NCAM2: variants seen among roughly 807,000 people sequenced by gnomAD.
NCAM2 encodes the protein N-CAM-2.
In NCAM2, 30 loss-of-function variants were observed where a neutral mutation model predicts 98.1. That is an observed-to-expected ratio of 0.31 (90% confidence interval 0.23 to 0.41). The LOEUF is 0.41. Among genes scored for constraint, NCAM2 ranks in the 10% least tolerant of loss-of-function variants. The pLI, the probability that NCAM2 is intolerant of heterozygous loss-of-function variation, is 1.00. For missense variants in NCAM2, 867 were observed against 1,005.8 expected, an observed-to-expected ratio of 0.86 and a Z score of 1.87; for synonymous variants, 368 against 342.4, an observed-to-expected ratio of 1.07 and a Z score of -0.83.
intron 1 of NCAM2, among the ~76,000 whole-genome samples, chr21:21,157,555 T>G (rs893732167): frequency 6.6e-6 from 1 of 152,174 alleles, no homozygotes; most frequent in Non-Finnish European, 1.5e-5. Context: ...TCTTTGTACA[T>G]TGTCAAATAA....
intron 1 of NCAM2, among the ~76,000 whole-genome samples, chr21:21,247,861 G>A (rs1216960534): frequency 6.6e-6 from 1 of 152,130 alleles, no homozygotes; most frequent in Non-Finnish European, 1.5e-5. Flanking sequence ...AGTAGAATTT[G>A]TTTTCCTGCC....
At chr21:21,139,907 C>T (rs1164269537) in intron 1 of NCAM2, among the ~76,000 whole-genome samples, 2 of 152,082 alleles carry the variant, frequency 1.3e-5, no homozygotes. Context: ...TCACGTCTTA[C>T]ACATATTTGC....
At chr21:21,324,164 G>A (rs566084486) in intron 5 of NCAM2, among the ~76,000 whole-genome samples, 89 of 152,176 alleles carry the variant, frequency 5.8e-4, no homozygotes, top group African/African-American at 2.1e-3. Context: ...TGTACGTTGT[G>A]CACATGTACC....
At chr21:21,431,004 C>T (rs909875638) in intron 11 of NCAM2, among the ~76,000 whole-genome samples, 3 of 139,872 alleles carry the variant, frequency 2.1e-5, no homozygotes, top group African/African-American at 5.4e-5. Context: ...GCTGAGATCA[C>T]GCCACTGCAC....
intron 1 of NCAM2, among the ~76,000 whole-genome samples, chr21:21,161,937 G>A (rs1027231258): frequency 1.3e-5 from 2 of 151,978 alleles, no homozygotes; most frequent in Non-Finnish European, 2.9e-5. Flanking sequence ...TTCTTTCAAC[G>A]ATATAATGGA....
chr21:21,318,274 G>C (rs2074276627), intron 5 of NCAM2, among the ~76,000 whole-genome samples: 1 of 152,098 alleles, frequency 6.6e-6, no homozygotes, highest in African/African-American at 2.4e-5. Flanking sequence ...ATTCAAGCTT[G>C]AATTTATTTA....
intron 1 of NCAM2, among the ~76,000 whole-genome samples, chr21:21,230,001 G>A (rs1266860229): frequency 6.6e-6 from 1 of 151,084 alleles, no homozygotes; most frequent in Non-Finnish European, 1.5e-5. Flanking sequence ...ATATTTATTT[G>A]AGAGAAACAC....
chr21:21,025,325 C>A (rs1414881182), intron 1 of NCAM2, among the ~76,000 whole-genome samples: 1 of 152,060 alleles, frequency 6.6e-6, no homozygotes, highest in Admixed American at 6.5e-5. Flanking sequence ...GACCTCGTGG[C>A]CTGCCCACCT....
intron 11 of NCAM2, among the ~76,000 whole-genome samples, chr21:21,419,168 C>T (rs1333195672): frequency 6.6e-6 from 1 of 152,002 alleles, no homozygotes; most frequent in Admixed American, 6.6e-5. Context: ...AAGAATGAAT[C>T]ACTTTTAAAA....
intron 15 of NCAM2, among the ~76,000 whole-genome samples, chr21:21,480,366 CA>C (rs59203448): frequency 0.29 from 20,559 of 69,760 alleles, 1,069 homozygotes; most frequent in Middle Eastern, 0.37. Context: ...GACTCCATCT[CA>C]AAAAAAAAAA....
At chr21:21,507,584 G>A (rs1988062146) in intron 15 of NCAM2, among the ~76,000 whole-genome samples, 1 of 151,992 alleles carries the variant, frequency 6.6e-6, no homozygotes, top group Admixed American at 6.6e-5. Flanking sequence ...ACGAGGTCAG[G>A]AGATCGAGAC....
chr21:21,457,870 T>C (rs1982389912), intron 12 of NCAM2, among the ~76,000 whole-genome samples: 1 of 152,172 alleles, frequency 6.6e-6, no homozygotes, highest in Non-Finnish European at 1.5e-5. Flanking sequence ...CTTTTTACCG[T>C]ATCCATTTTG....
chr21:21,106,224 C>T (rs2066342431), intron 1 of NCAM2, among the ~76,000 whole-genome samples: 1 of 149,468 alleles, frequency 6.7e-6, no homozygotes, highest in Non-Finnish European at 1.5e-5. Context: ...GGGAAGATCA[C>T]CTGAGCCCAG....
At chr21:21,035,433 A>G (rs1032334613) in intron 1 of NCAM2, among the ~76,000 whole-genome samples, 2 of 152,196 alleles carry the variant, frequency 1.3e-5, no homozygotes, top group African/African-American at 2.4e-5. Context: ...ACTTTACCCA[A>G]TTGCTATAAA....
intron 14 of NCAM2, among the ~76,000 whole-genome samples, chr21:21,470,371 G>T (rs370100381): frequency 6.6e-6 from 1 of 152,172 alleles, no homozygotes; most frequent in East Asian, 1.9e-4. Context: ...GAAGTTATGT[G>T]TGAAACACAG....
chr21:21,266,398 C>T (rs1291318537), intron 1 of NCAM2, among the ~76,000 whole-genome samples: 1 of 151,980 alleles, frequency 6.6e-6, no homozygotes, highest in Non-Finnish European at 1.5e-5. Flanking sequence ...AAATTGCATT[C>T]TAATTAGAGA....
intron 1 of NCAM2, among the ~76,000 whole-genome samples, chr21:21,069,903 T>A (rs1352086691): frequency 6.6e-6 from 1 of 152,170 alleles, no homozygotes; most frequent in African/African-American, 2.4e-5. Context: ...CACCCTTTTT[T>A]AATAGTGTCC....
chr21:21,418,874 T>G (rs1489325033), intron 11 of NCAM2, among the ~76,000 whole-genome samples: 1 of 152,186 alleles, frequency 6.6e-6, no homozygotes, highest in Non-Finnish European at 1.5e-5. Flanking sequence ...AAGAATATAT[T>G]TGGAATGCTC....
chr21:21,057,517 AT>A (rs768075686), intron 1 of NCAM2, among the ~76,000 whole-genome samples: 1 of 152,088 alleles, frequency 6.6e-6, no homozygotes, highest in Non-Finnish European at 1.5e-5. Flanking sequence ...GAGCACTTAT[AT>A]TCCACAAGGA....
Sources: gnomAD v4.1 joint callset for allele counts (sites outside exome capture counted in the v4.1 genomes callset) on GRCh38, gnomAD v4.1.1 for gene constraint, MANE v1.5 for transcripts, NCBI Gene and HGNC (gene_info 2026-07-23, HGNC 2026-07-21) for gene names.